The following BAP1 variants were observed in gnomAD, a reference collection of about 807,000 sequenced individuals.
BAP1 encodes the protein ubiquitin carboxyl-terminal hydrolase BAP1.
A neutral mutation model predicts 77.2 loss-of-function variants in BAP1; 16 were observed. The observed-to-expected ratio is 0.21, with a 90% CI of 0.14 to 0.31. The LOEUF (loss-of-function observed/expected upper bound fraction) is 0.31, where lower values mean the gene tolerates loss of function less well. Among genes scored for constraint, BAP1 ranks in the 10% least tolerant of loss-of-function variants. BAP1 has a pLI of 1.00. For missense variants in BAP1, 699 were observed against 967.3 expected (o/e 0.72, Z 3.68); for synonymous variants, 362 against 385.2 (o/e 0.94, Z 0.71).
rs1705062682 is a variant in BAP1, at chr3:52,403,885, C to A, written c.1260G>T (p.Gly420=). 6 of 1,614,066 alleles carry A rather than the reference C, an allele frequency of 3.7e-6. No individual in the cohort carries two copies. The highest frequency in any genetic ancestry group is 5.1e-6 in the Non-Finnish European group (6 of 1,180,002). Residue 420 remains glycine, a synonymous_variant, in exon 13 of 17, where the codon GGG becomes GGT. Coordinates refer to ENST00000460680, the MANE Select transcript of BAP1 (RefSeq NM_004656.4). The surrounding 1 kb of genome is among the most constrained non-coding windows in gnomAD (Gnocchi z 4.0). ...QNTNSALRYK[G]KGTGKPGALS... ...ATGCCCCTGGCTTCCCTGTTCCCTTCCCCTTATACCTGTGGGGCCCGAGAA... is the reference window on the plus strand; with the variant it reads ...ATGCCCCTGGCTTCCCTGTTCCCTTACCCTTATACCTGTGGGGCCCGAGAA...
chr3:52,403,993 G>A lies in BAP1; in HGVS notation c.1251-99C>T. 3.1e-6 allele frequency: 4 copies of A among 1,296,028 alleles called. No individual in the cohort carries two copies. 80.3% of individuals were successfully genotyped at this position (1,296,028 alleles called of 1,614,324 possible). A position where few individuals can be genotyped will look rare whatever the true frequency, so the allele number is the denominator to read the frequency against. Reference sequence around the variant, plus strand: ...AAATACATCCCGACCTCCAGGGGCTGACCCTAAAACTCCTTATACTTGGTC... The same window carrying A: ...AAATACATCCCGACCTCCAGGGGCTAACCCTAAAACTCCTTATACTTGGTC... On this transcript the variant is annotated intron_variant, in intron 12 of 16. Transcript: ENST00000460680. This position sits in a 1 kb window ranked among gnomAD's most constrained non-coding sequence, Gnocchi z 4.0.
Position 52,402,713 on chromosome 3 carries a change from C to T in BAP1, c.1984-39G>A, listed in dbSNP as rs1705003292. 6.2e-7 allele frequency: 1 copy of T among 1,613,980 alleles called. No homozygotes were observed. Among genetic ancestry groups the T allele is most frequent in the South Asian group, 1.1e-5 (1 of 91,092 alleles). ...GAAGACTGAGAGCACTGGAGCCAAT[C>T]TTGCCAGAGCAGCCACCAGTGGACC... On this transcript the variant is annotated intron_variant, in intron 15 of 16. Transcript: ENST00000460680. The surrounding 1 kb of genome is among the most constrained non-coding windows in gnomAD (Gnocchi z 5.3).
rs752703914 is a variant in BAP1 at position 52,404,485 on chromosome 3, C to A, written c.1218G>T (p.Glu406Asp). ...CAGAGTTGGTGTTCTGCACGTCATCCTCCTCGTCATCCTCATAGTCATCCT... is the reference window on the plus strand; with the variant it reads ...CAGAGTTGGTGTTCTGCACGTCATCATCCTCGTCATCCTCATAGTCATCCT... The part of the protein sequence containing the change: ...DDEDDYEDDE[E>D]DDVQNTNSAL... The change falls in exon 12 of 17, where the codon GAG becomes GAT. Residue 406 changes from glutamate to aspartate, a missense_variant. This residue lies in a region of BAP1 where 475 missense variants were observed against 532.4 expected (regional missense o/e 0.89). Coordinates refer to ENST00000460680, the MANE Select transcript of BAP1 (RefSeq NM_004656.4). The A allele has an allele frequency of 9.9e-6, 16 of 1,614,098 alleles. No individual in the cohort carries two copies. The highest frequency in any genetic ancestry group is 2.2e-5 in the East Asian group (1 of 44,896).
chr3:52,406,053 A>G lies in BAP1; in HGVS notation c.784-141T>C. 1 of 1,494,554 alleles carries G rather than the reference A, an allele frequency of 6.7e-7. No individual in the cohort carries two copies. Among genetic ancestry groups the G allele is most frequent in the Non-Finnish European group, 9.1e-7 (1 of 1,098,274 alleles). 92.6% of individuals were successfully genotyped at this position (1,494,554 alleles called of 1,614,324 possible). A position where few individuals can be genotyped will look rare whatever the true frequency, so the allele number is the denominator to read the frequency against. On this transcript the variant is annotated intron_variant, in intron 9 of 16. Transcript: ENST00000460680. The surrounding 1 kb of genome is among the most constrained non-coding windows in gnomAD (Gnocchi z 4.6). ...AGGGAAATAAAACACCCAAACCCAA[A>G]CTTCCTTTTAGAAGCTATTCTCCCT... is the stretch of plus-strand genomic sequence containing the variant.
In BAP1 at chr3:52,406,764, T is replaced by C. The variant is rs376940500; in HGVS notation, c.659+65A>G. On this transcript the variant is annotated intron_variant, in intron 8 of 16. Transcript: ENST00000460680. This position sits in a 1 kb window ranked among gnomAD's most constrained non-coding sequence, Gnocchi z 4.6. ...TGCAATTTACAAATCACCTGGATAC[T>C]CTCTGTCCCTCCCAAAGTAGGTACA... 9 of 1,509,590 alleles carry C rather than the reference T, an allele frequency of 6.0e-6. No individual in the cohort carries two copies. Among genetic ancestry groups the C allele is most frequent in the Admixed American group, 5.9e-5 (3 of 50,940 alleles). The allele number at this position is 1,509,590 out of a possible 1,614,324, so 93.5% of individuals were successfully genotyped here.
rs1705148805 is a variant in BAP1 at position 52,406,146 on chromosome 3, T to G, written c.783+107A>C. 1 of 1,590,220 alleles carries G rather than the reference T, an allele frequency of 6.3e-7. No homozygotes were observed. The highest frequency in any genetic ancestry group is 1.7e-5 in the Admixed American group (1 of 59,858). On this transcript the variant is annotated intron_variant, in intron 9 of 16. Transcript: ENST00000460680. This position sits in a 1 kb window ranked among gnomAD's most constrained non-coding sequence, Gnocchi z 4.6. The stretch of plus-strand genomic sequence containing the variant: ...AAGATGTGGTTAGCTGAAGCCCAGA[T>G]CTACAAGAGAGTATGTTCACGAATC...
At position 52,404,572 on chromosome 3, in the gene BAP1, C is replaced by T. The variant is rs572089064; in HGVS notation, c.1131G>A (p.Leu377=). ...CTCGGCTGCGGCCCACACCTGCCGC[C>T]AGGTCTTCTTCCTCCTGGGACAAAG... ...AKSPMQEEED[L]AAGVGRSRVP... Residue 377 remains leucine (L), a synonymous_variant, in exon 12 of 17, where the codon CTG becomes CTA. Transcript: ENST00000460680. 1.8e-5 allele frequency: 29 copies of T among 1,613,578 alleles called. No individual in the cohort carries two copies. The highest frequency in any genetic ancestry group is 2.2e-5 in the Non-Finnish European group (26 of 1,179,892).
In BAP1 at chr3:52,409,949, C is replaced by T; in HGVS notation, c.-71G>A. The T allele has an allele frequency of 6.4e-7, 1 of 1,557,152 alleles. No individual in the cohort carries two copies. Among genetic ancestry groups the T allele is most frequent in the Non-Finnish European group, 8.6e-7 (1 of 1,157,724 alleles). On this transcript the variant is annotated 5_prime_UTR_variant, in exon 1 of 17. Coordinates refer to ENST00000460680, the MANE Select transcript of BAP1 (RefSeq NM_004656.4). ...CCCACCGCTGCCCCCACCGGGAGCC[C>T]CCACCGCCCCCGGGGCCCCTCAGTC...
Position 52,407,165 on chromosome 3 carries a change from GGT to G in BAP1, c.580+7_580+8del. 6.2e-7 allele frequency: 1 copy of G among 1,613,750 alleles called. No homozygotes were observed. Among genetic ancestry groups the G allele is most frequent in the South Asian group, 1.1e-5 (1 of 91,054 alleles). On this transcript the variant is annotated splice_region_variant and intron_variant, in intron 7 of 16. Coordinates refer to ENST00000460680, the MANE Select transcript of BAP1 (RefSeq NM_004656.4). ...GACACCCAACAGGCCTCCAGCTCAT[GGT>G]GCCTACCATGGTCAATGGGGTAGAC...
rs2153226471 is a variant in BAP1, at chr3:52,403,209, T to G, written c.1819A>C (p.Thr607Pro). 6.2e-7 allele frequency: 1 copy of G among 1,614,210 alleles called. No individual in the cohort carries two copies. The highest frequency in any genetic ancestry group is 8.5e-7 in the Non-Finnish European group (1 of 1,180,034). Residue 607 changes from threonine (T) to proline (P), a missense_variant, in exon 14 of 17, where the codon ACG becomes CCG. Physicochemically the swap from Thr to Pro is conservative, Grantham distance 38. Coordinates refer to ENST00000460680, the MANE Select transcript of BAP1 (RefSeq NM_004656.4). This position sits in a 1 kb window ranked among gnomAD's most constrained non-coding sequence, Gnocchi z 4.0. Reference protein sequence around the residue: ...SPVEKEVVEATDSREKTGMVR... With the variant: ...SPVEKEVVEAPDSREKTGMVR... ...ATCCCCGTCTTCTCTCTGCTGTCCG[T>G]GGCTTCCACGACCTCCTTCTCCACT... is the stretch of plus-strand genomic sequence containing the variant.
intron 4 of BAP1, 70 bp from the exon 5 acceptor site, chr3:52,408,147 G>C (rs60724458): frequency 6.4e-7 from 1 of 1,557,076 alleles, no homozygotes; most frequent in African/African-American, 1.4e-5. Context: ...TATACATCAA[G>C]AATGGGGATC....
rs747712653 is a variant in BAP1, at chr3:52,402,402, C to T, written c.2076G>A (p.Val692=). 1.6e-5 allele frequency: 25 copies of T among 1,568,114 alleles called. No homozygotes were observed. Among genetic ancestry groups the T allele is most frequent in the Non-Finnish European group, 2.2e-5 (25 of 1,157,714 alleles). The change falls in exon 17 of 17, where the codon GTG becomes GTA. Residue 692 remains valine (V), a synonymous_variant. Transcript: ENST00000460680. This position sits in a 1 kb window ranked among gnomAD's most constrained non-coding sequence, Gnocchi z 5.3. The part of the protein sequence containing the change: ...LAQEGMLANL[V]EQNISVRRRQ... ...GCCGCCGCACGGAGATGTTCTGCTC[C>T]ACTAGGTTGGCCAGCATGCCTGCGA...
chr3:52,408,985 T>C (rs537549516), intron 3 of BAP1, among the ~76,000 whole-genome samples: 8 of 152,362 alleles, frequency 5.3e-5, no homozygotes, highest in African/African-American at 1.7e-4. Flanking sequence ...TCCTTCTCAC[T>C]TGTGGGCCCC....
chr3:52,405,375 A>G (rs1437915102), intron 10 of BAP1, 81 bp from the exon 11 acceptor site: 1 of 1,565,816 alleles, frequency 6.4e-7, no homozygotes. Context: ...CCTGTGAACC[A>G]GCACTTCCCA....
rs2153227374 is a variant in BAP1, at chr3:52,406,171, C to G, written c.783+82G>C. 3.1e-6 allele frequency: 5 copies of G among 1,607,116 alleles called. No homozygotes were observed. Among genetic ancestry groups the G allele is most frequent in the Non-Finnish European group, 4.3e-6 (5 of 1,176,032 alleles). On this transcript the variant is annotated intron_variant, in intron 9 of 16. Coordinates refer to ENST00000460680, the MANE Select transcript of BAP1 (RefSeq NM_004656.4). This position sits in a 1 kb window ranked among gnomAD's most constrained non-coding sequence, Gnocchi z 4.6. ...TCTACAAGAGAGTATGTTCACGAAT[C>G]AGAGACAAATGCTGTGGGGGAAGGG...
Position 52,403,612 on chromosome 3 carries a change from G to C in BAP1, c.1533C>G (p.Ile511Met), listed in dbSNP as rs758136052. The change falls in exon 13 of 17, where the codon ATC becomes ATG. Residue 511 changes from isoleucine to methionine, a missense_variant. Around this residue, in one of 3 missense-constraint regions of BAP1, gnomAD observed 475 missense variants for 532.4 expected, o/e 0.89. Transcript: ENST00000460680. The surrounding 1 kb of genome is among the most constrained non-coding windows in gnomAD (Gnocchi z 4.0). ...SAFNSPLRSP[I>M]RSANPTRPSS... is the part of the protein sequence containing the mutation. The stretch of plus-strand genomic sequence containing the variant: ...AGGGCCGCGTCGGGTTGGCTGAGCG[G>C]ATAGGCGAGCGCAGTGGCGAGTTGA... 14 of 1,614,178 alleles carry C rather than the reference G, an allele frequency of 8.7e-6. No homozygotes were observed. The South Asian group carries it at 1.3e-4, about 15-fold the overall frequency.
At position 52,407,947 on chromosome 3, in the gene BAP1, C is replaced by T. The variant is rs1553645924; in HGVS notation, c.375+11G>A. 4.3e-6 allele frequency: 7 copies of T among 1,613,376 alleles called. No homozygotes were observed. Among genetic ancestry groups the T allele is most frequent in the Non-Finnish European group, 5.1e-6 (6 of 1,179,954 alleles). On this transcript the variant is annotated intron_variant, in intron 5 of 16. Coordinates refer to ENST00000460680, the MANE Select transcript of BAP1 (RefSeq NM_004656.4). ...TTGGCTGTGAGCCAGGATGAAGGCA[C>T]TGCAGCCTACCTCAGGGCTGAAACC... is the stretch of plus-strand genomic sequence containing the variant.
chr3:52,406,372 G>A lies in BAP1; in HGVS notation c.664C>T (p.Pro222Ser), dbSNP rs780457225. ...AGGTTGAAGCGGATGTCGTGGTAGG[G>A]CTCCCTGCAGTCACAGCCGCAGCCG... ...ERIGLATAGE[P>S]YHDIRFNLMA... The change falls in exon 9 of 17, where the codon CCC becomes TCC. Residue 222 changes from proline to serine, a missense_variant. Physicochemically the swap from Pro to Ser is moderately conservative, Grantham distance 74 (BLOSUM62 -1). Transcript: ENST00000460680. The surrounding 1 kb of genome is among the most constrained non-coding windows in gnomAD (Gnocchi z 4.6). 6.2e-7 allele frequency: 1 copy of A among 1,613,274 alleles called. No homozygotes were observed. Among genetic ancestry groups the A allele is most frequent in the Non-Finnish European group, 8.5e-7 (1 of 1,179,946 alleles).
intron 4 of BAP1, 108 bp downstream of exon 4, chr3:52,408,366 A>G (rs1705231894): frequency 6.7e-7 from 1 of 1,499,046 alleles, no homozygotes; most frequent in African/African-American, 1.4e-5. Flanking sequence ...TGTAGCTACC[A>G]CCCCTAGAAT....
Sources: allele counts gnomAD v4.1 joint callset (sites outside exome capture counted in the v4.1 genomes callset), GRCh38; gene constraint gnomAD v4.1.1; regional missense constraint gnomAD v4.1.1; non-coding constraint Gnocchi (gnomAD v3.1); transcripts MANE v1.5; gene names NCBI Gene and HGNC (gene_info 2026-07-23, HGNC 2026-07-21).